FGF22: variants seen among roughly 807,000 people sequenced by gnomAD.
The protein encoded by FGF22 is FGF-22.
Under a neutral mutation model 10.3 loss-of-function variants are expected in FGF22, and 11 were observed. The ratio of observed to expected loss-of-function variants is 1.07; its 90% CI spans 0.67 to 1.77. FGF22 has a LOEUF of 1.77. FGF22 is among the 40% of genes most tolerant of loss of function. FGF22 has a pLI of 0.00. For synonymous variants in FGF22, 136 were observed against 122.1 expected (o/e 1.11, Z -0.75); for missense variants, 317 against 273.2 (o/e 1.16, Z -1.13).
At chr19:643,526 G>C (rs868293802) in exon 3 of FGF22, 2 of 1,606,078 alleles carry the variant, frequency 1.2e-6, no homozygotes, top group Non-Finnish European at 8.5e-7. Context: ...CGCTGGACAG[G>C]AGGGGGGGGC....
intron 1 of FGF22, among the ~76,000 whole-genome samples, chr19:642,211 G>A (rs970362549): frequency 1.5e-5 from 2 of 136,318 alleles, no homozygotes; most frequent in African/African-American, 2.7e-5. Context: ...GCTGAGCTGT[G>A]AGGGCCGGGC....
chr19:640,189 C>T (rs1050336349), intron 1 of FGF22, 50 bp downstream of exon 1: 25 of 1,185,858 alleles, frequency 2.1e-5, no homozygotes, highest in Non-Finnish European at 2.6e-5. Context: ...CGGGTGACGG[C>T]AACGCGGCCG....
intron 1 of FGF22, among the ~76,000 whole-genome samples, chr19:642,878 C>A (rs1352674282): frequency 6.6e-6 from 1 of 151,970 alleles, no homozygotes; most frequent in Non-Finnish European, 1.5e-5. Flanking sequence ...GTGTGGGAGC[C>A]CCCCCGCCAT....
Position 640,849 on chromosome 19 carries a change from T to A in FGF22, c.214+710T>A. On this transcript the variant is annotated intron_variant, in intron 1 of 2. Coordinates refer to ENST00000215530, the Ensembl canonical transcript of FGF22. Reference sequence around the variant, plus strand: ...GGGCCCGGGCCCGCTGGCTGCCGCCTGAATCACCACCATCAGGGCAGGTAA... The same window carrying A: ...GGGCCCGGGCCCGCTGGCTGCCGCCAGAATCACCACCATCAGGGCAGGTAA... 3 of 218,478 alleles carry A rather than the reference T, an allele frequency of 1.4e-5. No individual in the cohort carries two copies. In the South Asian group the frequency reaches 1.8e-4, roughly 13 times the overall value. The allele number at this position is 218,478 out of a possible 1,614,324, so 13.5% of individuals were successfully genotyped here.
chr19:643,500 C>T lies in FGF22; in HGVS notation c.409C>T (p.Gln137Ter), dbSNP rs1235120634. Reference sequence around the variant, plus strand: ...CTCACAGCGCTGGCGCCGCCGCGGCCAGCCCATGTTCCTGGCGCTGGACAG... The same window carrying T: ...CTCACAGCGCTGGCGCCGCCGCGGCTAGCCCATGTTCCTGGCGCTGGACAG... Residue 137 changes from glutamine to a stop codon, truncating the protein, a stop_gained, in exon 3 of 3, where the codon CAG (glutamine) becomes TAG (stop). Coordinates refer to ENST00000215530, the Ensembl canonical transcript of FGF22. LOFTEE classifies it low-confidence loss of function (END_TRUNC). 2.5e-6 allele frequency: 4 copies of T among 1,610,560 alleles called. No homozygotes were observed. In the Admixed American group the frequency reaches 5.0e-5, roughly 20 times the overall value.
chr19:641,207 C>T (rs11572861), intron 1 of FGF22: 45 of 456,416 alleles, frequency 9.9e-5, no homozygotes, highest in Admixed American at 5.4e-4. Flanking sequence ...CAGAGACGCC[C>T]ACCCTCCTGG....
chr19:644,262 C>T (rs1986011561), exon 3 of FGF22: 1 of 153,226 alleles, frequency 6.5e-6, no homozygotes. Flanking sequence ...CGGTTCCGCA[C>T]TGGAGCCCCC....
In FGF22 at chr19:644,225, G is replaced by A. The variant is rs111705958; in HGVS notation, c.*621G>A. On this transcript the variant is annotated 3_prime_UTR_variant, in exon 3 of 3. Coordinates refer to ENST00000215530, the Ensembl canonical transcript of FGF22. ...GGGCCCTAAGCTGAGGGACGTGGGTGCCTCCAGATGCTGGGGAAGGCGGGA... is the reference window on the plus strand; with the variant it reads ...GGGCCCTAAGCTGAGGGACGTGGGTACCTCCAGATGCTGGGGAAGGCGGGA... 3.5e-3 allele frequency: 543 copies of A among 154,146 alleles called. 2 individuals carry two copies. Among genetic ancestry groups the A allele is most frequent in the African/African-American group, 0.012 (513 of 41,596 alleles). The allele number at this position is 154,146 out of a possible 1,614,324, so 9.5% of individuals were successfully genotyped here. A position where few individuals can be genotyped will look rare whatever the true frequency, so the allele number is the denominator to read the frequency against.
intron 1 of FGF22, chr19:640,999 G>A (rs1568183533): frequency 2.8e-6 from 1 of 360,630 alleles, no homozygotes; most frequent in Non-Finnish European, 5.6e-6. Context: ...CAGGCGGGGT[G>A]GCCTCGGGCC....
chr19:644,008 C>T (rs1330035046), exon 3 of FGF22: 5 of 242,486 alleles, frequency 2.1e-5, no homozygotes, highest in South Asian at 9.9e-5. Context: ...AAGCCGGTCC[C>T]GTCCCGGGAA....
At position 643,223 on chromosome 19, in the gene FGF22, C is replaced by T. The variant is rs369365959; in HGVS notation, c.215-12C>T. ...AGCCAGCAAGGCCCTCCCCGACCCCCGCCTCCCCCAGGCATCCTGGAGATC... is the reference window on the plus strand; with the variant it reads ...AGCCAGCAAGGCCCTCCCCGACCCCTGCCTCCCCCAGGCATCCTGGAGATC... On this transcript the variant is annotated splice_polypyrimidine_tract_variant and intron_variant, in intron 1 of 2. Coordinates refer to ENST00000215530, the Ensembl canonical transcript of FGF22. 7.8e-6 allele frequency: 12 copies of T among 1,543,560 alleles called. No individual in the cohort carries two copies. Among genetic ancestry groups the T allele is most frequent in the African/African-American group, 3.1e-5 (2 of 64,196 alleles).
At chr19:642,954 GGTC>G (rs1482348921) in intron 1 of FGF22, among the ~76,000 whole-genome samples, 1 of 151,982 alleles carries the variant, frequency 6.6e-6, no homozygotes, top group Non-Finnish European at 1.5e-5. Flanking sequence ...CCTCCCACGG[GGTC>G]CTCATCGATC....
chr19:643,310 TG>T lies in FGF22; in HGVS notation c.291del (p.Met97IlefsTer128), dbSNP rs1173074192. 1 of 1,603,972 alleles carries T rather than the reference TG, an allele frequency of 6.2e-7. No individual in the cohort carries two copies. The highest frequency in any genetic ancestry group is 1.4e-5 in the African/African-American group (1 of 72,850). ...GTGTCCTCAGGCTTCTACGTGGCCA[TG>T]AACCGCCGGGGCCGCCTCTACGGGT... On this transcript the variant is annotated frameshift_variant, in exon 2 of 3. Transcript: ENST00000215530. LOFTEE classifies it low-confidence loss of function (END_TRUNC).
At chr19:643,653 G>C in exon 3 of FGF22, 1 of 1,405,734 alleles carries the variant, frequency 7.1e-7, no homozygotes, top group Admixed American at 2.6e-5. Context: ...TGGTGGCGAG[G>C]GGCCCGGCCA....
chr19:640,151 G>T lies in FGF22; in HGVS notation c.214+12G>T, dbSNP rs1281924572. 7.7e-7 allele frequency: 1 copy of T among 1,293,274 alleles called. No individual in the cohort carries two copies. Among genetic ancestry groups the T allele is most frequent in the Non-Finnish European group, 9.8e-7 (1 of 1,021,968 alleles). 80.1% of individuals were successfully genotyped at this position (1,293,274 alleles called of 1,614,324 possible). A position where few individuals can be genotyped will look rare whatever the true frequency, so the allele number is the denominator to read the frequency against. The stretch of plus-strand genomic sequence containing the variant: ...CCACGGCCAGGACAGTGAGTGCGGG[G>T]CGGCGGGGGCCTGGGGTGGGGAGGC... On this transcript the variant is annotated intron_variant, in intron 1 of 2. Transcript: ENST00000215530.
In FGF22 at chr19:644,014, G is replaced by A. The variant is rs59931993; in HGVS notation, c.*410G>A. 5.1e-4 allele frequency: 120 copies of A among 237,288 alleles called. 3 individuals are homozygous for A. In the East Asian group the frequency reaches 9.8e-3, roughly 19 times the overall value. The allele number at this position is 237,288 out of a possible 1,614,324, so 14.7% of individuals were successfully genotyped here. On this transcript the variant is annotated 3_prime_UTR_variant, in exon 3 of 3. Coordinates refer to ENST00000215530, the Ensembl canonical transcript of FGF22. Reference sequence around the variant, plus strand: ...CCAGCCTCGAAGCCGGTCCCGTCCCGGGAATCTGCAAATACAACGCCTTGC... The same window carrying A: ...CCAGCCTCGAAGCCGGTCCCGTCCCAGGAATCTGCAAATACAACGCCTTGC...
At chr19:643,919 G>T in exon 3 of FGF22, 1 of 202,102 alleles carries the variant, frequency 4.9e-6, no homozygotes, top group Non-Finnish European at 9.8e-6. Flanking sequence ...TGGGGAGCAC[G>T]TTGGGAGTGG....
At chr19:641,574 C>CAAA (rs68071125) in intron 1 of FGF22, 24 of 94,658 alleles carry the variant, frequency 2.5e-4, no homozygotes, top group African/African-American at 6.9e-4. Flanking sequence ...GACTCCGTCT[C>CAAA]AAAAAAAAAA....
intron 1 of FGF22, 71 bp downstream of exon 1, chr19:640,210 G>C: frequency 1.9e-6 from 2 of 1,065,664 alleles, no homozygotes; most frequent in Non-Finnish European, 1.2e-6. Flanking sequence ...CCGTCTTCAC[G>C]GTGACCTGCG....
Sources: gnomAD v4.1 joint callset for allele counts (sites outside exome capture counted in the v4.1 genomes callset) on GRCh38, gnomAD v4.1.1 for gene constraint, MANE v1.5 for transcripts, NCBI Gene and HGNC (gene_info 2026-07-23, HGNC 2026-07-21) for gene names.